Variants in TMEM132D observed in about 807,000 individuals in gnomAD.
TMEM132D encodes mature OL transmembrane protein.
A neutral mutation model predicts 62.3 loss-of-function variants in TMEM132D; 21 were observed. That is an observed-to-expected ratio of 0.34 (90% CI 0.24 to 0.49). The LOEUF is 0.49. TMEM132D is among the 20% of genes least tolerant of loss of function. The probability of loss-of-function intolerance (pLI) is 0.99; values close to 1 mark genes in which losing one functional copy is unlikely to be tolerated. For missense variants in TMEM132D, 1,346 were observed against 1,402.8 expected, an observed-to-expected ratio of 0.96 and a Z score of 0.65; for synonymous variants, 621 against 575.6, an observed-to-expected ratio of 1.08 and a Z score of -1.13.
chr12:129,300,546 GGGTAGCA>G (rs2135627011), intron 4 of TMEM132D, among the ~76,000 whole-genome samples: 1 of 152,284 alleles, frequency 6.6e-6, no homozygotes, highest in East Asian at 1.9e-4. Context: ...CGTTTTGGGA[GGGTAGCA>G]GTATAAAACG....
chr12:129,313,939 A>G (rs1369496061), intron 4 of TMEM132D, among the ~76,000 whole-genome samples: 1 of 151,888 alleles, frequency 6.6e-6, no homozygotes, highest in Non-Finnish European at 1.5e-5. Flanking sequence ...TGTGGTTTTG[A>G]TTTGCATTTC....
intron 1 of TMEM132D, among the ~76,000 whole-genome samples, chr12:129,756,619 G>A (rs750481149): frequency 9.9e-5 from 15 of 152,190 alleles, no homozygotes; most frequent in African/African-American, 1.7e-4. Context: ...GCTGCACAAC[G>A]TATGTGAACA....
intron 5 of TMEM132D, among the ~76,000 whole-genome samples, chr12:129,102,067 T>C (rs907713225): frequency 1.3e-5 from 2 of 150,956 alleles, no homozygotes; most frequent in South Asian, 2.1e-4. Context: ...GCCTAGACAC[T>C]TGGGGAGTGA....
chr12:129,486,220 T>G (rs529741563), intron 3 of TMEM132D, among the ~76,000 whole-genome samples: 125 of 152,304 alleles, frequency 8.2e-4, no homozygotes, highest in African/African-American at 2.8e-3. Context: ...CCCGCTGCAG[T>G]CCCTTGCTAC....
At chr12:129,869,930 G>C (rs1487113850) in intron 1 of TMEM132D, among the ~76,000 whole-genome samples, 1 of 152,162 alleles carries the variant, frequency 6.6e-6, no homozygotes, top group Admixed American at 6.5e-5. Flanking sequence ...TCCCAGCAGA[G>C]AGCTTTAGAA....
intron 3 of TMEM132D, among the ~76,000 whole-genome samples, chr12:129,460,156 C>T (rs926640699): frequency 4.6e-5 from 7 of 152,198 alleles, no homozygotes; most frequent in African/African-American, 1.7e-4. Context: ...ACGGGTTCTA[C>T]TTCTACGTGC....
chr12:129,288,442 A>G lies in TMEM132D; in HGVS notation c.1299+49192T>C, dbSNP rs1118246. Among the ~76,000 whole-genome samples the G allele has an allele frequency of 4.9e-3, 753 of 152,346 alleles. 8 individuals carry two copies. Among genetic ancestry groups the G allele is most frequent in the African/African-American group, 0.017 (703 of 41,576 alleles). ...AGAACCCAATTTTAAAATGGGTTAA[A>G]GACTTAAATAGACATTTCTCCAAAG... is the stretch of plus-strand genomic sequence containing the variant. On this transcript the variant is annotated intron_variant, in intron 4 of 8. Transcript: ENST00000422113.
At chr12:129,438,730 A>G (rs1872858134) in intron 3 of TMEM132D, among the ~76,000 whole-genome samples, 3 of 152,206 alleles carry the variant, frequency 2.0e-5, no homozygotes, top group African/African-American at 7.2e-5. Context: ...ATTTCATTGC[A>G]CTGCATATTA....
intron 3 of TMEM132D, among the ~76,000 whole-genome samples, chr12:129,397,307 T>C (rs1197877460): frequency 1.3e-5 from 2 of 152,172 alleles, no homozygotes; most frequent in African/African-American, 4.8e-5. Context: ...GAGACTGAGT[T>C]TGCCATACCC....
At chr12:129,478,399 A>C (rs1004386966) in intron 3 of TMEM132D, among the ~76,000 whole-genome samples, 1 of 152,242 alleles carries the variant, frequency 6.6e-6, no homozygotes, top group African/African-American at 2.4e-5. Flanking sequence ...TGGTTCCATT[A>C]TAACCTTACG....
chr12:129,629,456 T>C (rs139454042), intron 2 of TMEM132D, among the ~76,000 whole-genome samples: 7 of 152,316 alleles, frequency 4.6e-5, no homozygotes, highest in East Asian at 3.9e-4. Context: ...CAAAGCTCAG[T>C]TGAAATGCTT....
At chr12:129,521,944 G>A (rs933164548) in intron 3 of TMEM132D, 2 of 151,732 alleles carry the variant, frequency 1.3e-5, no homozygotes, top group African/African-American at 4.8e-5. Context: ...ATGGAAAACT[G>A]GGTTGCAGTG....
intron 2 of TMEM132D, among the ~76,000 whole-genome samples, chr12:129,654,954 T>A (rs1421179680): frequency 6.6e-6 from 1 of 152,174 alleles, no homozygotes; most frequent in Non-Finnish European, 1.5e-5. Context: ...TTTTCTTTTT[T>A]TTTTCCTTTT....
chr12:129,808,138 TG>T (rs2137313253), intron 1 of TMEM132D, among the ~76,000 whole-genome samples: 1 of 152,344 alleles, frequency 6.6e-6, no homozygotes, highest in South Asian at 2.1e-4. Context: ...TTATTGTTCA[TG>T]ATAAAAGAAA....
chr12:129,799,735 C>T (rs1192095167), intron 1 of TMEM132D, among the ~76,000 whole-genome samples: 3 of 152,128 alleles, frequency 2.0e-5, no homozygotes, highest in Non-Finnish European at 4.4e-5. Context: ...GGCTTTGGTA[C>T]TGGGGAGTAG....
At chr12:129,204,726 C>T (rs1314789474) in intron 5 of TMEM132D, among the ~76,000 whole-genome samples, 1 of 152,138 alleles carries the variant, frequency 6.6e-6, no homozygotes, top group African/African-American at 2.4e-5. Flanking sequence ...ACACAATCAT[C>T]AGATTCTCCA....
At chr12:129,248,547 A>G (rs542386127) in intron 4 of TMEM132D, among the ~76,000 whole-genome samples, 1 of 151,138 alleles carries the variant, frequency 6.6e-6, no homozygotes, top group East Asian at 1.9e-4. Flanking sequence ...TTATTAGAGT[A>G]CTCACTTAAA....
chr12:129,860,283 C>T (rs912451389), intron 1 of TMEM132D, among the ~76,000 whole-genome samples: 17 of 152,354 alleles, frequency 1.1e-4, no homozygotes, highest in Admixed American at 2.6e-4. Flanking sequence ...GACAAGTCCA[C>T]TGAAATGTCA....
chr12:129,795,445 T>C (rs1798641858), intron 1 of TMEM132D, among the ~76,000 whole-genome samples: 1 of 152,198 alleles, frequency 6.6e-6, no homozygotes, highest in African/African-American at 2.4e-5. Flanking sequence ...ATTTAAAAAA[T>C]TTAATGTTGA....
Sources: allele counts gnomAD v4.1 joint callset (sites outside exome capture counted in the v4.1 genomes callset), GRCh38; gene constraint gnomAD v4.1.1; transcripts MANE v1.5; gene names NCBI Gene and HGNC (gene_info 2026-07-23, HGNC 2026-07-21).